The following NTM variants were observed in gnomAD, a reference collection of about 807,000 sequenced individuals.
NTM encodes the protein IgLON family member 2.
NTM carries 13 observed loss-of-function variants against 42.1 expected under a neutral mutation model. That is an observed-to-expected ratio of 0.31 (90% CI 0.20 to 0.49). NTM has a LOEUF of 0.49. Among genes scored for constraint, NTM ranks in the 20% least tolerant of loss-of-function variants. The probability of loss-of-function intolerance (pLI) is 0.99; values close to 1 mark genes in which losing one functional copy is unlikely to be tolerated. For missense variants in NTM, 373 were observed against 452.8 expected, an observed-to-expected ratio of 0.82 and a Z score of 1.60; for synonymous variants, 187 against 179.2, an observed-to-expected ratio of 1.04 and a Z score of -0.35.
chr11:132,239,018 C>A (rs759769787), intron 4 of NTM, among the ~76,000 whole-genome samples: 2 of 152,152 alleles, frequency 1.3e-5, no homozygotes, highest in Non-Finnish European at 2.9e-5. Context: ...TCCTTTTGCT[C>A]CATCAAATGC....
At chr11:131,592,647 A>ACACACAC (rs2059468474) in intron 1 of NTM, among the ~76,000 whole-genome samples, 2 of 140,688 alleles carry the variant, frequency 1.4e-5, no homozygotes, top group Admixed American at 7.1e-5. Flanking sequence ...ACACACCCCA[A>ACACACAC]ACACACACAC....
intron 3 of NTM, among the ~76,000 whole-genome samples, chr11:132,158,598 G>T (rs2073688246): frequency 6.6e-6 from 1 of 152,200 alleles, no homozygotes; most frequent in African/African-American, 2.4e-5. Flanking sequence ...ACAGGGTCTG[G>T]TGCATAGTAG....
rs1388749592 is a variant in NTM at position 131,458,745 on chromosome 11, G to A, written c.82+87857G>A. Among the ~76,000 whole-genome samples the A allele has an allele frequency of 3.3e-5, 5 of 152,192 alleles. 1 individual carries two copies. Among genetic ancestry groups the A allele is most frequent in the Admixed American group, 3.3e-4 (5 of 15,288 alleles). On this transcript the variant is annotated intron_variant, in intron 1 of 8. Transcript: ENST00000683400. ...CCAATCTCAGGCCACCCATTCCCAG[G>A]GCTGTCTAAACTGGGTTGTCAAATG...
chr11:132,210,560 G>C (rs923568459), intron 3 of NTM, among the ~76,000 whole-genome samples: 1 of 152,136 alleles, frequency 6.6e-6, no homozygotes, highest in Non-Finnish European at 1.5e-5. Flanking sequence ...TTGGAGTGTG[G>C]GAGCTCAGTA....
chr11:131,427,549 C>T (rs1288999311), intron 1 of NTM, among the ~76,000 whole-genome samples: 1 of 152,154 alleles, frequency 6.6e-6, no homozygotes, highest in Admixed American at 6.5e-5. Context: ...TTGAAATTCC[C>T]ATTTTGCAGT....
chr11:131,873,458 C>A (rs1172991587), intron 1 of NTM, among the ~76,000 whole-genome samples: 1 of 151,080 alleles, frequency 6.6e-6, no homozygotes, highest in Non-Finnish European at 1.5e-5. Flanking sequence ...CAGCAAATCA[C>A]CAGGGCACAT....
intron 1 of NTM, among the ~76,000 whole-genome samples, chr11:131,864,263 A>G (rs530489323): frequency 2.6e-5 from 4 of 152,224 alleles, no homozygotes; most frequent in Non-Finnish European, 5.9e-5. Flanking sequence ...GGCAGGATCC[A>G]TCAGGAAGGA....
At chr11:131,475,968 G>T (rs977676756) in intron 1 of NTM, among the ~76,000 whole-genome samples, 2 of 152,106 alleles carry the variant, frequency 1.3e-5, no homozygotes, top group African/African-American at 4.8e-5. Flanking sequence ...CTTGCCTTGG[G>T]TATTTACCTG....
intron 2 of NTM, among the ~76,000 whole-genome samples, chr11:132,075,488 C>G (rs974953967): frequency 2.1e-5 from 3 of 139,652 alleles, no homozygotes; most frequent in African/African-American, 8.5e-5. Context: ...TTTTGCATTT[C>G]TAAGGTTAGC....
intron 2 of NTM, among the ~76,000 whole-genome samples, chr11:131,982,581 T>C (rs2065423327): frequency 6.6e-6 from 1 of 152,076 alleles, no homozygotes; most frequent in Non-Finnish European, 1.5e-5. Flanking sequence ...GTCCCGTGTA[T>C]GTGCCCTTTA....
At chr11:132,023,443 G>A (rs935876742) in intron 2 of NTM, among the ~76,000 whole-genome samples, 1 of 152,212 alleles carries the variant, frequency 6.6e-6, no homozygotes, top group South Asian at 2.1e-4. Context: ...AGCTGGGCCT[G>A]TGAGAAGGCC....
At chr11:132,118,693 T>C (rs7928679) in intron 2 of NTM, among the ~76,000 whole-genome samples, 4 of 152,172 alleles carry the variant, frequency 2.6e-5, no homozygotes, top group African/African-American at 9.7e-5. Flanking sequence ...AAGTGGCCCT[T>C]TAAATATAAA....
chr11:132,093,090 T>C (rs1337834118), intron 2 of NTM, among the ~76,000 whole-genome samples: 1 of 152,216 alleles, frequency 6.6e-6, no homozygotes, highest in Non-Finnish European at 1.5e-5. Context: ...ATATTTGGGA[T>C]AAAATCTCAC....
At chr11:131,926,027 G>C (rs1360929839) in intron 2 of NTM, among the ~76,000 whole-genome samples, 1 of 152,164 alleles carries the variant, frequency 6.6e-6, no homozygotes, top group African/African-American at 2.4e-5. Context: ...TCTCCTATGA[G>C]CCAGGAGCTG....
intron 1 of NTM, among the ~76,000 whole-genome samples, chr11:131,897,625 G>T (rs1437818488): frequency 6.6e-6 from 1 of 152,174 alleles, no homozygotes; most frequent in Non-Finnish European, 1.5e-5. Context: ...AACTCGAGTA[G>T]AGCAAATATA....
chr11:132,151,615 C>A (rs1591841835), intron 3 of NTM, among the ~76,000 whole-genome samples: 1 of 152,230 alleles, frequency 6.6e-6, no homozygotes, highest in Admixed American at 6.5e-5. Context: ...AGTATCTAAT[C>A]ATCCCCTCCC....
At chr11:131,931,826 A>G (rs1417845493) in intron 2 of NTM, among the ~76,000 whole-genome samples, 1 of 152,148 alleles carries the variant, frequency 6.6e-6, no homozygotes, top group African/African-American at 2.4e-5. Flanking sequence ...AGGGGCCTGC[A>G]TCTATGAGGG....
intron 1 of NTM, among the ~76,000 whole-genome samples, chr11:131,768,072 T>C (rs1402679135): frequency 2.6e-5 from 4 of 152,094 alleles, no homozygotes; most frequent in African/African-American, 9.7e-5. Flanking sequence ...GATTAGAGTT[T>C]CAGCCTTCTG....
intron 4 of NTM, among the ~76,000 whole-genome samples, chr11:132,236,184 G>GA (rs2088847915): frequency 6.6e-6 from 1 of 152,174 alleles, no homozygotes. Context: ...CCTGAGTGAA[G>GA]TGCTCTACAT....
Sources: allele counts gnomAD v4.1 joint callset (sites outside exome capture counted in the v4.1 genomes callset), GRCh38; gene constraint gnomAD v4.1.1; transcripts MANE v1.5; gene names NCBI Gene and HGNC (gene_info 2026-07-23, HGNC 2026-07-21).